The following PPP4R3A variants were observed in gnomAD, a reference collection of about 807,000 sequenced individuals.
PPP4R3A encodes protein phosphatase 4 regulatory subunit 3A.
Under a neutral mutation model 91.7 loss-of-function variants are expected in PPP4R3A, and 15 were observed. The observed-to-expected ratio is 0.16, with a 90% CI of 0.11 to 0.25. The LOEUF (loss-of-function observed/expected upper bound fraction) is 0.25. PPP4R3A is among the 10% of genes least tolerant of loss of function. The probability of loss-of-function intolerance (pLI) is 1.00; values close to 1 mark genes in which losing one functional copy is unlikely to be tolerated. For missense variants in PPP4R3A, 623 were observed against 998.4 expected (o/e 0.62, Z 5.07); for synonymous variants, 377 against 348.7 (o/e 1.08, Z -0.91).
intron 10 of PPP4R3A, 77 bp from the exon 11 acceptor site, chr14:91,465,496 T>C: frequency 1.5e-6 from 2 of 1,352,870 alleles, no homozygotes; most frequent in Middle Eastern, 1.9e-4. Flanking sequence ...AAAATAACCA[T>C]CAAACCAAAA....
chr14:91,463,776 G>A (rs1172722554), intron 11 of PPP4R3A, among the ~76,000 whole-genome samples: 1 of 152,012 alleles, frequency 6.6e-6, no homozygotes, highest in African/African-American at 2.4e-5. Context: ...TTTTATTTTA[G>A]GTTCAGGGGG....
At chr14:91,501,290 G>A (rs1566655569) in intron 1 of PPP4R3A, among the ~76,000 whole-genome samples, 2 of 152,142 alleles carry the variant, frequency 1.3e-5, no homozygotes, top group Admixed American at 6.6e-5. Flanking sequence ...GATAAATACT[G>A]AAGGATTTCA....
intron 2 of PPP4R3A, among the ~76,000 whole-genome samples, chr14:91,487,055 T>A (rs545642704): frequency 6.6e-6 from 1 of 151,850 alleles, no homozygotes; most frequent in African/African-American, 2.4e-5. Context: ...AAGACCAGCC[T>A]GGCCAACAGG....
At chr14:91,461,810 A>T (rs1888178305) in intron 13 of PPP4R3A, 1 of 850,898 alleles carries the variant, frequency 1.2e-6, no homozygotes, top group African/African-American at 1.7e-5. Flanking sequence ...AAACCTTCAG[A>T]ATCATATTTA....
At chr14:91,472,206 T>C (rs770119729) in intron 9 of PPP4R3A, among the ~76,000 whole-genome samples, 2 of 151,500 alleles carry the variant, frequency 1.3e-5, no homozygotes, top group Non-Finnish European at 1.5e-5. Flanking sequence ...CTCTAATGAA[T>C]ATAATACAAA....
chr14:91,486,249 TG>T (rs60467262), intron 2 of PPP4R3A, among the ~76,000 whole-genome samples: 80,930 of 146,378 alleles, frequency 0.55, 22,801 homozygotes, highest in East Asian at 0.92. Context: ...TAGGTTTTTT[TG>T]TTTTTTTTTT....
At chr14:91,499,820 CAAAA>C (rs3993928) in intron 1 of PPP4R3A, among the ~76,000 whole-genome samples, 57,772 of 120,336 alleles carry the variant, frequency 0.48, 12,482 homozygotes, top group East Asian at 0.52. Context: ...GACTCCACCT[CAAAA>C]AAAAAAAAAA....
intron 1 of PPP4R3A, among the ~76,000 whole-genome samples, chr14:91,493,182 A>T (rs1010320952): frequency 6.6e-6 from 1 of 152,012 alleles, no homozygotes; most frequent in African/African-American, 2.4e-5. Flanking sequence ...TGAGGTCAGG[A>T]GTTTGAGACC....
In PPP4R3A at chr14:91,462,075, A is replaced by G; in HGVS notation, c.2138T>C (p.Ile713Thr). The change falls in exon 13 of 15, where the codon ATA becomes ACA. Residue 713 changes from isoleucine (I) to threonine (T), a missense_variant. By Grantham distance (89) the Ile-to-Thr change is moderately conservative. Transcript: ENST00000554943. The stretch of plus-strand genomic sequence containing the variant: ...TTTCTTCCTTTCCATGAATTTACTT[A>G]TTGGATCCATAATATCATCATCATT... The part of the protein sequence containing the change: ...TKNDDDIMDP[I>T]SKFMERKKLK... 1 of 1,528,174 alleles carries G rather than the reference A, an allele frequency of 6.5e-7. No individual in the cohort carries two copies. The allele number at this position is 1,528,174 out of a possible 1,614,324, so 94.7% of individuals were successfully genotyped here. A position where few individuals can be genotyped will look rare whatever the true frequency, so the allele number is the denominator to read the frequency against.
chr14:91,478,167 G>A (rs1242244338), intron 4 of PPP4R3A, among the ~76,000 whole-genome samples: 1 of 152,124 alleles, frequency 6.6e-6, no homozygotes, highest in Non-Finnish European at 1.5e-5. Flanking sequence ...TGAACAAATA[G>A]GTCATACCTC....
intron 1 of PPP4R3A, among the ~76,000 whole-genome samples, chr14:91,508,387 A>G (rs1377823636): frequency 2.0e-5 from 3 of 152,218 alleles, no homozygotes; most frequent in South Asian, 2.1e-4. Context: ...GGAGAGTCCA[A>G]TTGAAGAAAA....
intron 14 of PPP4R3A, 75 bp downstream of exon 14, chr14:91,461,306 G>T: frequency 7.3e-7 from 1 of 1,375,706 alleles, no homozygotes; most frequent in Non-Finnish European, 1.0e-6. Context: ...TAACCAAAGG[G>T]AATCTTAGTC....
intron 1 of PPP4R3A, among the ~76,000 whole-genome samples, chr14:91,496,467 A>C (rs1467433742): frequency 1.3e-5 from 2 of 152,146 alleles, no homozygotes; most frequent in East Asian, 3.8e-4. Flanking sequence ...CTAATCCCTA[A>C]TAGCAATTAT....
chr14:91,485,577 G>T, intron 3 of PPP4R3A, 55 bp downstream of exon 3: 2 of 1,263,426 alleles, frequency 1.6e-6, no homozygotes, highest in Non-Finnish European at 1.1e-6. Flanking sequence ...TGAAAGCATG[G>T]CAAAAAACTA....
In PPP4R3A at chr14:91,476,395, A is replaced by G. The variant is rs1889208147; in HGVS notation, c.1110+13T>C. On this transcript the variant is annotated intron_variant, in intron 6 of 14. Coordinates refer to ENST00000554943, the MANE Select transcript of PPP4R3A (RefSeq NM_001366432.2). ...AAAAATGGTAATTAAAAATGAGGAG[A>G]CACAAAACTTACAAGGATGACTTCT... is the stretch of plus-strand genomic sequence containing the variant. 1 of 1,523,196 alleles carries G rather than the reference A, an allele frequency of 6.6e-7. No individual in the cohort carries two copies. Among genetic ancestry groups the G allele is most frequent in the Non-Finnish European group, 9.0e-7 (1 of 1,113,688 alleles). The allele number at this position is 1,523,196 out of a possible 1,614,324, so 94.4% of individuals were successfully genotyped here.
At chr14:91,494,347 T>C (rs1174765755) in intron 1 of PPP4R3A, among the ~76,000 whole-genome samples, 3 of 152,028 alleles carry the variant, frequency 2.0e-5, no homozygotes, top group African/African-American at 7.2e-5. Context: ...CTGCAAACAA[T>C]ACCATCAAGT....
Position 91,482,209 on chromosome 14 carries a change from T to C in PPP4R3A, c.298-16A>G. ...TTCCTTGAACCTATGAAAAAAAATTTAATTGCTGACAAAATAGATAACAGG... is the reference window on the plus strand; with the variant it reads ...TTCCTTGAACCTATGAAAAAAAATTCAATTGCTGACAAAATAGATAACAGG... On this transcript the variant is annotated splice_polypyrimidine_tract_variant and intron_variant, in intron 3 of 14. Transcript: ENST00000554943. The C allele has an allele frequency of 6.4e-7, 1 of 1,567,118 alleles. No individual in the cohort carries two copies. The highest frequency in any genetic ancestry group is 8.6e-7 in the Non-Finnish European group (1 of 1,162,186).
chr14:91,485,594 T>TA lies in PPP4R3A; in HGVS notation c.297+37dup, dbSNP rs1308921524. ...AAAGCATGGCAAAAAACTAAACACT[T>TA]AAAGAAAGCATGTTGATTTTTTTAT... On this transcript the variant is annotated intron_variant, in intron 3 of 14. Transcript: ENST00000554943. The TA allele has an allele frequency of 3.4e-6, 5 of 1,458,770 alleles. No individual in the cohort carries two copies. In the East Asian group the frequency reaches 1.2e-4, roughly 34 times the overall value. The allele number at this position is 1,458,770 out of a possible 1,614,324, so 90.4% of individuals were successfully genotyped here. A position where few individuals can be genotyped will look rare whatever the true frequency, so the allele number is the denominator to read the frequency against.
intron 1 of PPP4R3A, among the ~76,000 whole-genome samples, chr14:91,498,349 A>T (rs1890715650): frequency 6.6e-6 from 1 of 152,072 alleles, no homozygotes; most frequent in Non-Finnish European, 1.5e-5. Context: ...AAAAAAAAAA[A>T]GACACTCTTC....
Sources: allele counts gnomAD v4.1 joint callset (sites outside exome capture counted in the v4.1 genomes callset), GRCh38; gene constraint gnomAD v4.1.1; transcripts MANE v1.5; gene names NCBI Gene and HGNC (gene_info 2026-07-23, HGNC 2026-07-21).